The following PCDHA6 variants were observed in gnomAD, a reference collection of about 807,000 sequenced individuals.
PCDHA6 encodes protocadherin alpha-6.
Under a neutral mutation model 60.3 loss-of-function variants are expected in PCDHA6, and 55 were observed. That is an observed-to-expected ratio of 0.91 (90% CI 0.73 to 1.14). The LOEUF is 1.14. PCDHA6 is among the 50% of genes most tolerant of loss of function. The pLI, the probability that PCDHA6 is intolerant of heterozygous loss-of-function variation, is 0.00. For synonymous variants in PCDHA6, 652 were observed against 557.9 expected (o/e 1.17, Z -2.38); for missense variants, 1,327 against 1,256.5 (o/e 1.06, Z -0.85).
intron 1 of PCDHA6, among the ~76,000 whole-genome samples, chr5:140,896,733 C>T (rs920661983): frequency 2.0e-5 from 3 of 151,970 alleles, no homozygotes; most frequent in Non-Finnish European, 2.9e-5. Flanking sequence ...TGTTTAAGTT[C>T]CTTATAGATT....
chr5:140,836,253 G>T (rs2150256519), intron 1 of PCDHA6: 2 of 1,613,806 alleles, frequency 1.2e-6, no homozygotes, highest in Admixed American at 1.7e-5. Context: ...CCCGTTCCGC[G>T]TGGGGCTGTA....
intron 3 of PCDHA6, among the ~76,000 whole-genome samples, chr5:140,984,824 C>T (rs920985683): frequency 6.6e-6 from 1 of 151,980 alleles, no homozygotes; most frequent in African/African-American, 2.4e-5. Flanking sequence ...TCTTAATTAC[C>T]CTTTCTGTAA....
At chr5:140,879,802 T>A (rs535783687) in intron 1 of PCDHA6, among the ~76,000 whole-genome samples, 1 of 152,330 alleles carries the variant, frequency 6.6e-6, no homozygotes, top group Non-Finnish European at 1.5e-5. Flanking sequence ...TCTTCCAGTT[T>A]CTATTGGCTG....
intron 1 of PCDHA6, among the ~76,000 whole-genome samples, chr5:140,965,232 G>C (rs192008157): frequency 6.6e-5 from 10 of 152,194 alleles, no homozygotes; most frequent in Non-Finnish European, 1.0e-4. Context: ...GTGAGAACCT[G>C]GGAAGAGTGA....
intron 1 of PCDHA6, chr5:140,862,573 G>A (rs1252034022): frequency 4.1e-6 from 2 of 484,618 alleles, no homozygotes; most frequent in East Asian, 1.1e-4. Context: ...CAATGCCCTG[G>A]CGTTCCAGCA....
At chr5:140,852,819 T>C in intron 1 of PCDHA6, 1 of 969,756 alleles carries the variant, frequency 1.0e-6, no homozygotes, top group Non-Finnish European at 1.2e-6. Flanking sequence ...CCGCCCTAAG[T>C]CCTCCAGTCT....
chr5:140,928,401 C>T, intron 1 of PCDHA6: 1 of 1,614,028 alleles, frequency 6.2e-7, no homozygotes, highest in Non-Finnish European at 8.5e-7. Flanking sequence ...TGGAATCATC[C>T]AGTGGGGCCA....
Position 141,010,550 on chromosome 5 carries a change from ACC to A in PCDHA6, c.*617_*618del. 3.2e-6 allele frequency: 1 copy of A among 316,712 alleles called. No individual in the cohort carries two copies. The highest frequency in any genetic ancestry group is 5.8e-6 in the Non-Finnish European group (1 of 172,196). The allele number at this position is 316,712 out of a possible 1,614,324, so 19.6% of individuals were successfully genotyped here. ...CAGCCACCCTCTAGGAGACAAAACT[ACC>A]CCCACTGACAAGGCTTTAGGAGACC... On this transcript the variant is annotated 3_prime_UTR_variant, in exon 4 of 4. Transcript: ENST00000529310.
At position 140,828,112 on chromosome 5, in the gene PCDHA6, T is replaced by A. The variant is rs2150151121; in HGVS notation, c.21T>A (p.Asp7Glu). 6 of 1,611,926 alleles carry A rather than the reference T, an allele frequency of 3.7e-6. No homozygotes were observed. Among genetic ancestry groups the A allele is most frequent in the Non-Finnish European group, 5.1e-6 (6 of 1,178,660 alleles). Reference sequence around the variant, plus strand: ...TTGACATGGTGTTTACCCCGGAGGATAGATTGGGAAAGCAATGTCTGCTCC... The same window carrying A: ...TTGACATGGTGTTTACCCCGGAGGAAAGATTGGGAAAGCAATGTCTGCTCC... MVFTPE[D>E]RLGKQCLLLP... The change falls in exon 1 of 4, where the codon GAT (aspartate) becomes GAA (glutamate). Residue 7 changes from aspartate (D) to glutamate (E), a missense_variant. By Grantham distance (45) the Asp-to-Glu change is conservative (BLOSUM62 2). Coordinates refer to ENST00000529310, the MANE Select transcript of PCDHA6 (RefSeq NM_018909.4).
chr5:140,948,345 A>G (rs1476053305), intron 1 of PCDHA6, among the ~76,000 whole-genome samples: 3 of 151,554 alleles, frequency 2.0e-5, no homozygotes, highest in African/African-American at 7.2e-5. Context: ...TAGTATTTCT[A>G]ACCTAATAAA....
Position 140,829,788 on chromosome 5 carries a change from T to C in PCDHA6, c.1697T>C (p.Leu566Pro). ...LDENDNAPAL[L>P]APRVGGTGGA... Reference sequence around the variant, plus strand: ...GAGAACGACAACGCGCCGGCGCTGCTGGCGCCTCGGGTGGGTGGTACTGGT... The same window carrying C: ...GAGAACGACAACGCGCCGGCGCTGCCGGCGCCTCGGGTGGGTGGTACTGGT... The change falls in exon 1 of 4, where the codon CTG (leucine) becomes CCG (proline). Residue 566 changes from leucine (L) to proline (P), a missense_variant. Physicochemically the swap from Leu to Pro is moderately conservative, Grantham distance 98. Coordinates refer to ENST00000529310, the MANE Select transcript of PCDHA6 (RefSeq NM_018909.4). 2 of 1,613,804 alleles carry C rather than the reference T, an allele frequency of 1.2e-6. No individual in the cohort carries two copies. Among genetic ancestry groups the C allele is most frequent in the Non-Finnish European group, 8.5e-7 (1 of 1,179,858 alleles).
At chr5:140,851,222 T>A in intron 1 of PCDHA6, 1 of 1,140,378 alleles carries the variant, frequency 8.8e-7, no homozygotes, top group Non-Finnish European at 1.1e-6. Context: ...TTAACATCAC[T>A]ATCATTTATT....
chr5:140,868,653 G>T (rs897751330), intron 1 of PCDHA6: 1 of 162,858 alleles, frequency 6.1e-6, no homozygotes, highest in African/African-American at 2.4e-5. Flanking sequence ...CTGTGTATAA[G>T]TATTTTAGAT....
At chr5:140,967,371 A>C in intron 1 of PCDHA6, 1 of 1,607,094 alleles carries the variant, frequency 6.2e-7, no homozygotes, top group Non-Finnish European at 8.5e-7. Context: ...CCCCTGCAGG[A>C]GAACAGTAAA....
At chr5:140,877,471 G>T (rs2057146762) in intron 1 of PCDHA6, 1 of 1,613,828 alleles carries the variant, frequency 6.2e-7, no homozygotes, top group South Asian at 1.1e-5. Flanking sequence ...CACGGTGCTG[G>T]TGTCGCTGGT....
chr5:140,883,915 G>A, intron 1 of PCDHA6: 1 of 1,613,348 alleles, frequency 6.2e-7, no homozygotes, highest in Non-Finnish European at 8.5e-7. Context: ...GCAGCAACGT[G>A]ACGCTGCAGG....
intron 1 of PCDHA6, among the ~76,000 whole-genome samples, chr5:140,953,471 C>T (rs554082808): frequency 3.9e-5 from 6 of 152,074 alleles, no homozygotes; most frequent in Non-Finnish European, 7.4e-5. Flanking sequence ...TTTTAACTTC[C>T]TCATGCTGTG....
intron 1 of PCDHA6, among the ~76,000 whole-genome samples, chr5:140,956,852 G>T (rs931766503): frequency 3.3e-5 from 5 of 152,060 alleles, no homozygotes; most frequent in African/African-American, 1.2e-4. Context: ...TGGGTTAAAT[G>T]GTTGAATGAA....
chr5:140,841,949 T>C, intron 1 of PCDHA6: 1 of 1,613,920 alleles, frequency 6.2e-7, no homozygotes, highest in Non-Finnish European at 8.5e-7. Flanking sequence ...TGCGCACCAC[T>C]TATTCCTGAC....
Sources: gnomAD v4.1 joint callset for allele counts (sites outside exome capture counted in the v4.1 genomes callset) on GRCh38, gnomAD v4.1.1 for gene constraint, MANE v1.5 for transcripts, NCBI Gene and HGNC (gene_info 2026-07-23, HGNC 2026-07-21) for gene names.